Variants in CCSER1 observed in about 807,000 individuals in gnomAD.
CCSER1 encodes coiled-coil serine rich protein 1, also known as serine-rich coiled-coil domain-containing protein 1.
Under a neutral mutation model 82.0 loss-of-function variants are expected in CCSER1, and 41 were observed. That is an observed-to-expected ratio of 0.50 (90% CI 0.39 to 0.65). The LOEUF (loss-of-function observed/expected upper bound fraction) is 0.65, where lower values mean the gene tolerates loss of function less well. Ranked by LOEUF, CCSER1 falls within the 30% of genes least tolerant of loss-of-function variation. The probability of loss-of-function intolerance (pLI) is 0.00; values close to 1 mark genes in which losing one functional copy is unlikely to be tolerated. For synonymous variants in CCSER1, 414 were observed against 383.9 expected (o/e 1.08, Z -0.92); for missense variants, 1,119 against 1,064.2 (o/e 1.05, Z -0.72).
chr4:91,568,423 C>A (rs368337410), intron 10 of CCSER1, among the ~76,000 whole-genome samples: 1 of 152,024 alleles, frequency 6.6e-6, no homozygotes, highest in African/African-American at 2.4e-5. Flanking sequence ...TTTTCATGGA[C>A]GATATCCTGA....
intron 6 of CCSER1, among the ~76,000 whole-genome samples, chr4:90,654,445 A>T (rs1729338750): frequency 6.6e-6 from 1 of 151,816 alleles, no homozygotes; most frequent in Admixed American, 6.6e-5. Context: ...TATAGTTTTA[A>T]TTTTTTCTTA....
At chr4:90,692,677 T>G (rs1166632427) in intron 6 of CCSER1, among the ~76,000 whole-genome samples, 1 of 151,012 alleles carries the variant, frequency 6.6e-6, no homozygotes, top group Non-Finnish European at 1.5e-5. Flanking sequence ...GCTAACATAA[T>G]TAGAATAATT....
chr4:91,172,615 G>C (rs552201026), intron 10 of CCSER1, among the ~76,000 whole-genome samples: 5 of 152,212 alleles, frequency 3.3e-5, no homozygotes, highest in African/African-American at 1.2e-4. Context: ...GCCTCATTTT[G>C]TCATCACACC....
chr4:90,793,283 G>A (rs191890903), intron 7 of CCSER1, among the ~76,000 whole-genome samples: 88 of 152,090 alleles, frequency 5.8e-4, no homozygotes, highest in African/African-American at 2.0e-3. Flanking sequence ...TGTCACCCAG[G>A]TATTAAGCCT....
chr4:90,653,209 T>G (rs1729103807), intron 6 of CCSER1, among the ~76,000 whole-genome samples: 1 of 152,158 alleles, frequency 6.6e-6, no homozygotes, highest in African/African-American at 2.4e-5. Flanking sequence ...TTTGAGAGAT[T>G]ATATCCTCTT....
At chr4:90,851,825 A>G (rs1364390787) in intron 8 of CCSER1, among the ~76,000 whole-genome samples, 1 of 152,206 alleles carries the variant, frequency 6.6e-6, no homozygotes, top group Non-Finnish European at 1.5e-5. Context: ...ACAGCCATTT[A>G]GTAATTGTAC....
At chr4:91,001,248 G>A (rs1738007675) in intron 9 of CCSER1, among the ~76,000 whole-genome samples, 1 of 152,092 alleles carries the variant, frequency 6.6e-6, no homozygotes, top group African/African-American at 2.4e-5. Flanking sequence ...TTGCATCCCA[G>A]GAATGAAGCC....
chr4:91,212,340 G>T (rs1170180531), intron 10 of CCSER1, among the ~76,000 whole-genome samples: 1 of 152,050 alleles, frequency 6.6e-6, no homozygotes, highest in Non-Finnish European at 1.5e-5. Flanking sequence ...GATCCTTGGT[G>T]GTTTGGAATG....
chr4:91,529,560 C>T (rs1760922951), intron 10 of CCSER1, among the ~76,000 whole-genome samples: 1 of 151,968 alleles, frequency 6.6e-6, no homozygotes, highest in Non-Finnish European at 1.5e-5. Flanking sequence ...ATGTAAAAGC[C>T]ATGAGAAAAC....
intron 10 of CCSER1, among the ~76,000 whole-genome samples, chr4:91,346,033 C>CTTTTTTTTT (rs534383177): frequency 0.067 from 9,643 of 144,630 alleles, 1,176 homozygotes; most frequent in African/African-American, 0.24. Flanking sequence ...CTTGACAGCT[C>CTTTTTTTTT]TTTTTTTTTT....
intron 8 of CCSER1, among the ~76,000 whole-genome samples, chr4:90,867,398 A>G (rs1765878132): frequency 6.6e-6 from 1 of 152,120 alleles, no homozygotes; most frequent in South Asian, 2.1e-4. Context: ...ACAGTTTTTT[A>G]AAAATTTCTG....
chr4:90,424,431 A>G (rs1401996396), intron 4 of CCSER1, among the ~76,000 whole-genome samples: 4 of 152,180 alleles, frequency 2.6e-5, no homozygotes, highest in African/African-American at 9.7e-5. Context: ...AATATGTATC[A>G]TCCTCAGTAT....
At chr4:90,164,698 T>G (rs113029251) in intron 1 of CCSER1, among the ~76,000 whole-genome samples, 49 of 152,264 alleles carry the variant, frequency 3.2e-4, no homozygotes, top group African/African-American at 1.1e-3. Context: ...AGAGAAATTG[T>G]GAAGCAGCTA....
intron 8 of CCSER1, among the ~76,000 whole-genome samples, chr4:90,880,501 A>G (rs900852191): frequency 2.0e-5 from 3 of 152,096 alleles, no homozygotes; most frequent in African/African-American, 4.8e-5. Context: ...GGTGTAGGTA[A>G]AGCACTTGGG....
chr4:91,263,465 A>G (rs537436664), intron 10 of CCSER1, among the ~76,000 whole-genome samples: 2 of 152,134 alleles, frequency 1.3e-5, no homozygotes, highest in East Asian at 3.9e-4. Context: ...CTTGAAAGTT[A>G]CATTACAAAA....
At chr4:91,410,023 C>T (rs1278936356) in intron 10 of CCSER1, among the ~76,000 whole-genome samples, 1 of 152,176 alleles carries the variant, frequency 6.6e-6, no homozygotes, top group Non-Finnish European at 1.5e-5. Flanking sequence ...ATTTCCATAT[C>T]CTTATCAGAA....
At chr4:91,233,728 T>C (rs1290738802) in intron 10 of CCSER1, among the ~76,000 whole-genome samples, 1 of 151,938 alleles carries the variant, frequency 6.6e-6, no homozygotes, top group Non-Finnish European at 1.5e-5. Flanking sequence ...ATATCTCTGC[T>C]CACAACAGAT....
chr4:91,510,928 C>T (rs530493345), intron 10 of CCSER1, among the ~76,000 whole-genome samples: 1 of 152,052 alleles, frequency 6.6e-6, no homozygotes. Flanking sequence ...ATGGTGTGTT[C>T]TAGGTTTTCT....
chr4:91,155,339 T>A (rs1730707442), intron 10 of CCSER1, among the ~76,000 whole-genome samples: 1 of 151,908 alleles, frequency 6.6e-6, no homozygotes, highest in South Asian at 2.1e-4. Flanking sequence ...TAAGATGGCT[T>A]TTTGCTCTTT....
Sources: allele counts gnomAD v4.1 joint callset (sites outside exome capture counted in the v4.1 genomes callset), GRCh38; gene constraint gnomAD v4.1.1; transcripts MANE v1.5; gene names NCBI Gene and HGNC (gene_info 2026-07-23, HGNC 2026-07-21).